The following VXN variants were observed in gnomAD, a reference collection of about 807,000 sequenced individuals.
The protein encoded by VXN is vexin, also known as uncharacterized protein C8orf46.
In VXN, 7 loss-of-function variants were observed where a neutral mutation model predicts 23.1. The ratio of observed to expected loss-of-function variants is 0.30; its 90% confidence interval spans 0.17 to 0.57. The LOEUF is 0.57. VXN is among the 20% of genes least tolerant of loss of function. VXN has a pLI of 0.91. For synonymous variants in VXN, 120 were observed against 105.8 expected, an observed-to-expected ratio of 1.13 and a Z score of -0.83; for missense variants, 238 against 272.6, an observed-to-expected ratio of 0.87 and a Z score of 0.89.
chr8:66,509,260 A>G (rs76358309), intron 3 of VXN, among the ~76,000 whole-genome samples: 6,081 of 152,322 alleles, frequency 0.04, 262 homozygotes, highest in East Asian at 0.16. Flanking sequence ...ATCTGCCCCC[A>G]GAGAGACCTG....
rs1326511704 is a variant in VXN at position 66,516,744 on chromosome 8, T to C, written c.*668T>C. On this transcript the variant is annotated 3_prime_UTR_variant, in exon 6 of 6. Coordinates refer to ENST00000305454, the MANE Select transcript of VXN (RefSeq NM_152765.4). ...TCTAGTGGAATCAATAATCCCTTGC[T>C]TTGGTATAATAATTTGAACTTTTGA... is the stretch of plus-strand genomic sequence containing the variant. The C allele has an allele frequency of 6.6e-6, 1 of 152,252 alleles. No homozygotes were observed. The highest frequency in any genetic ancestry group is 1.5e-5 in the Non-Finnish European group (1 of 68,044). 9.4% of individuals were successfully genotyped at this position (152,252 alleles called of 1,614,324 possible).
At chr8:66,514,570 T>C (rs1298008933) in intron 5 of VXN, among the ~76,000 whole-genome samples, 1 of 152,078 alleles carries the variant, frequency 6.6e-6, no homozygotes, top group Non-Finnish European at 1.5e-5. Flanking sequence ...GCTGGAGCTA[T>C]AGGCGCCCGC....
At chr8:66,497,418 T>G (rs1009599367) in intron 2 of VXN, among the ~76,000 whole-genome samples, 1 of 152,244 alleles carries the variant, frequency 6.6e-6, no homozygotes, top group African/African-American at 2.4e-5. Flanking sequence ...GGGCTTCCAG[T>G]AATGCTTGTC....
rs2130565713 is a variant in VXN, at chr8:66,518,017, C to T, written c.*1941C>T. 6.6e-6 allele frequency: 1 copy of T among 152,350 alleles called. No homozygotes were observed. Among genetic ancestry groups the T allele is most frequent in the South Asian group, 2.1e-4 (1 of 4,828 alleles). 9.4% of individuals were successfully genotyped at this position (152,350 alleles called of 1,614,324 possible). On this transcript the variant is annotated 3_prime_UTR_variant, in exon 6 of 6. Transcript: ENST00000305454. Reference sequence around the variant, plus strand: ...TGTTTTAGACTCTGAACACCAGATCCTCATATCTGAAAGTGATTTGGAGAC... The same window carrying T: ...TGTTTTAGACTCTGAACACCAGATCTTCATATCTGAAAGTGATTTGGAGAC...
intron 5 of VXN, chr8:66,513,956 C>T: frequency 3.7e-6 from 1 of 269,692 alleles, no homozygotes; most frequent in South Asian, 6.1e-5. Flanking sequence ...TCAGAACCTC[C>T]CATAGGCATG....
chr8:66,504,671 G>A (rs1249162675), intron 2 of VXN, among the ~76,000 whole-genome samples: 1 of 152,068 alleles, frequency 6.6e-6, no homozygotes. Context: ...AGGTGGTGAT[G>A]ACTGAAAACA....
chr8:66,510,214 T>G, intron 4 of VXN, 57 bp downstream of exon 4: 1 of 1,383,828 alleles, frequency 7.2e-7, no homozygotes, highest in Non-Finnish European at 1.0e-6. Context: ...TCTGGTCATG[T>G]CTGATTCTCC....
At chr8:66,506,280 T>A (rs1807758532) in intron 3 of VXN, among the ~76,000 whole-genome samples, 1 of 149,462 alleles carries the variant, frequency 6.7e-6, no homozygotes, top group Admixed American at 6.7e-5. Context: ...TGTAAAATTG[T>A]ACAGGCTCTT....
At chr8:66,503,073 C>A (rs539440167) in intron 2 of VXN, among the ~76,000 whole-genome samples, 3 of 152,158 alleles carry the variant, frequency 2.0e-5, no homozygotes, top group South Asian at 4.2e-4. Flanking sequence ...GTCTTGAACT[C>A]CTGGGTTCAA....
At chr8:66,505,728 A>C (rs1244273601) in intron 3 of VXN, among the ~76,000 whole-genome samples, 200 bp downstream of exon 3, 1 of 152,232 alleles carries the variant, frequency 6.6e-6, no homozygotes, top group Non-Finnish European at 1.5e-5. Flanking sequence ...TTAGCCTCAC[A>C]CAGCATCTTC....
At chr8:66,494,937 G>A in intron 1 of VXN, 1 of 152,142 alleles carries the variant, frequency 6.6e-6, no homozygotes, top group East Asian at 1.9e-4. Context: ...ATGTCAACAG[G>A]AATAAACTAG....
At chr8:66,510,990 A>G (rs1807815493) in intron 4 of VXN, among the ~76,000 whole-genome samples, 1 of 152,146 alleles carries the variant, frequency 6.6e-6, no homozygotes, top group South Asian at 2.1e-4. Context: ...CCAAGCTTTT[A>G]TGTTCCCTTC....
At chr8:66,499,545 T>A (rs527751761) in intron 2 of VXN, among the ~76,000 whole-genome samples, 2 of 151,806 alleles carry the variant, frequency 1.3e-5, no homozygotes, top group East Asian at 3.9e-4. Context: ...CCAGTTTTGT[T>A]TTTTTGTTTT....
chr8:66,497,490 A>G (rs1198210616), intron 2 of VXN, among the ~76,000 whole-genome samples: 2 of 152,228 alleles, frequency 1.3e-5, no homozygotes, highest in African/African-American at 4.8e-5. Flanking sequence ...TTGCTGCTTT[A>G]ACATGCATAT....
At chr8:66,509,006 A>G (rs1807791457) in intron 3 of VXN, among the ~76,000 whole-genome samples, 1 of 152,216 alleles carries the variant, frequency 6.6e-6, no homozygotes, top group South Asian at 2.1e-4. Context: ...TCTCAAAAGA[A>G]AAGAAAGATT....
chr8:66,505,157 C>G, intron 2 of VXN: 1 of 710,792 alleles, frequency 1.4e-6, no homozygotes, highest in South Asian at 1.5e-5. Flanking sequence ...TTTGCTTGCC[C>G]CATGGCACCA....
intron 5 of VXN, among the ~76,000 whole-genome samples, chr8:66,515,473 G>A (rs1807877068): frequency 6.6e-6 from 1 of 152,208 alleles, no homozygotes; most frequent in Non-Finnish European, 1.5e-5. Context: ...TAAAGGTTAA[G>A]TCACTTGCCT....
At chr8:66,500,817 T>G (rs1807682764) in intron 2 of VXN, among the ~76,000 whole-genome samples, 1 of 152,022 alleles carries the variant, frequency 6.6e-6, no homozygotes, top group Admixed American at 6.6e-5. Context: ...TTAATTTGCT[T>G]AGGATAATAT....
chr8:66,510,441 G>T, intron 4 of VXN: 1 of 322,874 alleles, frequency 3.1e-6, no homozygotes, highest in South Asian at 4.3e-5. Flanking sequence ...ATGGTGAGGG[G>T]TGGGGGCAGG....
Sources: gnomAD v4.1 joint callset for allele counts (sites outside exome capture counted in the v4.1 genomes callset) on GRCh38, gnomAD v4.1.1 for gene constraint, MANE v1.5 for transcripts, NCBI Gene and HGNC (gene_info 2026-07-23, HGNC 2026-07-21) for gene names.